Variants in PPARGC1A observed in about 807,000 individuals in gnomAD.
PPARGC1A encodes the protein peroxisome proliferator-activated receptor gamma coactivator 1-alpha.
PPARGC1A carries 25 observed loss-of-function variants against 88.7 expected under a neutral mutation model. The ratio of observed to expected loss-of-function variants is 0.28; its 90% CI spans 0.21 to 0.39. PPARGC1A has a LOEUF of 0.39. PPARGC1A is among the 10% of genes least tolerant of loss of function. The pLI is 1.00. For synonymous variants in PPARGC1A, 363 were observed against 355.6 expected (o/e 1.02, Z -0.24); for missense variants, 880 against 968.7 (o/e 0.91, Z 1.22).
chr4:24,120,436 T>A, the PPARGC1A span, among the ~76,000 whole-genome samples: 1 of 152,202 alleles, frequency 6.6e-6, no homozygotes, highest in African/African-American at 2.4e-5. Flanking sequence ...AGGTACTGAT[T>A]CCTGTCCTTT....
At chr4:23,845,005 G>A (rs530514305) in intron 2 of PPARGC1A, among the ~76,000 whole-genome samples, 1 of 150,768 alleles carries the variant, frequency 6.6e-6, no homozygotes, top group Admixed American at 6.7e-5. Context: ...GGCCCTGAGG[G>A]GGAACTTGCA....
At chr4:24,420,073 C>T in the PPARGC1A span, among the ~76,000 whole-genome samples, 1 of 152,192 alleles carries the variant, frequency 6.6e-6, no homozygotes, top group Non-Finnish European at 1.5e-5. Flanking sequence ...ATTTCTGATG[C>T]CATCAGACAC....
upstream of PPARGC1A, among the ~76,000 whole-genome samples, chr4:23,908,426 A>T (rs946171574): frequency 1.3e-5 from 2 of 152,126 alleles, no homozygotes; most frequent in Non-Finnish European, 2.9e-5. Flanking sequence ...TTGGTGACAT[A>T]GGAGAGAAGA....
chr4:24,413,115 T>A, the PPARGC1A span, among the ~76,000 whole-genome samples: 4 of 152,184 alleles, frequency 2.6e-5, no homozygotes, highest in Non-Finnish European at 5.9e-5. Flanking sequence ...TAGCATTGTA[T>A]AGGCAGTGAT....
chr4:24,216,140 CTCT>C, the PPARGC1A span, among the ~76,000 whole-genome samples: 6 of 114,654 alleles, frequency 5.2e-5, no homozygotes, highest in South Asian at 3.3e-4. Context: ...TTGCAGCTAA[CTCT>C]TTTTTTTTTT....
chr4:24,046,919 A>G, the PPARGC1A span, among the ~76,000 whole-genome samples: 1 of 152,196 alleles, frequency 6.6e-6, no homozygotes, highest in East Asian at 1.9e-4. Context: ...GAAGAACCTG[A>G]GTTCCTGGAT....
intron 2 of PPARGC1A, among the ~76,000 whole-genome samples, chr4:23,851,208 G>A (rs61285376): frequency 0.02 from 2,976 of 152,192 alleles, 99 homozygotes; most frequent in African/African-American, 0.067. Context: ...ATAGTGATTC[G>A]ATTTAATCTA....
In PPARGC1A at chr4:23,793,840, C is replaced by CACTT. The variant is rs1239080997; in HGVS notation, c.*1978_*1981dup. 1 of 152,310 alleles carries CACTT rather than the reference C, an allele frequency of 6.6e-6. No homozygotes were observed. Among genetic ancestry groups the CACTT allele is most frequent in the Admixed American group, 6.6e-5 (1 of 15,250 alleles). The allele number at this position is 152,310 out of a possible 1,614,324, so 9.4% of individuals were successfully genotyped here. A position where few individuals can be genotyped will look rare whatever the true frequency, so the allele number is the denominator to read the frequency against. On this transcript the variant is annotated 3_prime_UTR_variant, in exon 13 of 13. Transcript: ENST00000264867. ...CAAAAGCTGAATTTCCCAAATGAAG[C>CACTT]ACTTACACTCCAACCTGACAATTGT... is the stretch of plus-strand genomic sequence containing the variant.
the PPARGC1A span, among the ~76,000 whole-genome samples, chr4:24,294,161 C>T: frequency 6.6e-6 from 1 of 152,152 alleles, no homozygotes; most frequent in Non-Finnish European, 1.5e-5. Context: ...CACACTCAGG[C>T]TGAACTCAGG....
the PPARGC1A span, among the ~76,000 whole-genome samples, chr4:24,030,816 T>C: frequency 6.6e-6 from 1 of 152,110 alleles, no homozygotes; most frequent in Non-Finnish European, 1.5e-5. Flanking sequence ...AAAGACGTCT[T>C]AAAAACTGCA....
chr4:23,802,633 T>C (rs939611396), intron 10 of PPARGC1A, among the ~76,000 whole-genome samples: 15 of 134,518 alleles, frequency 1.1e-4, no homozygotes, highest in African/African-American at 3.7e-4. Flanking sequence ...GCTGAGATTG[T>C]GCCACTGCAC....
the PPARGC1A span, among the ~76,000 whole-genome samples, chr4:24,053,445 A>G: frequency 7.2e-5 from 11 of 152,210 alleles, no homozygotes; most frequent in South Asian, 2.1e-3. Flanking sequence ...ACCAGCTTTG[A>G]TGACCACCAG....
chr4:23,932,949 G>T, the PPARGC1A span, among the ~76,000 whole-genome samples: 1 of 152,190 alleles, frequency 6.6e-6, no homozygotes, highest in Admixed American at 6.5e-5. Context: ...GCTTCAAGGA[G>T]AAGAAAGAAC....
At chr4:23,831,819 A>C (rs1363299671) in intron 2 of PPARGC1A, 68 bp from the exon 3 acceptor site, 1 of 1,284,402 alleles carries the variant, frequency 7.8e-7, no homozygotes, top group Non-Finnish European at 1.1e-6. Context: ...ATGCATCAAC[A>C]TGTTTGACCA....
At chr4:23,797,950 AAAG>A (rs1717931620) in intron 12 of PPARGC1A, among the ~76,000 whole-genome samples, 1 of 152,004 alleles carries the variant, frequency 6.6e-6, no homozygotes, top group Non-Finnish European at 1.5e-5. Context: ...TTCCACAACG[AAAG>A]AAGTGAAAAT....
the PPARGC1A span, among the ~76,000 whole-genome samples, chr4:24,260,571 A>T: frequency 6.6e-6 from 1 of 152,180 alleles, no homozygotes; most frequent in Non-Finnish European, 1.5e-5. Flanking sequence ...CCAAGAGCTG[A>T]TATGAGGATA....
upstream of PPARGC1A, among the ~76,000 whole-genome samples, chr4:23,891,555 ACTG>A (rs1431786850): frequency 1.3e-5 from 2 of 152,212 alleles, no homozygotes; most frequent in African/African-American, 4.8e-5. Flanking sequence ...ATACCAGCAG[ACTG>A]CTGCTTCTTT....
the PPARGC1A span, among the ~76,000 whole-genome samples, chr4:24,315,892 C>T: frequency 6.6e-6 from 1 of 152,212 alleles, no homozygotes; most frequent in Non-Finnish European, 1.5e-5. Context: ...ATCTGGAGTG[C>T]ATGGGACAGA....
At chr4:24,241,571 T>G in the PPARGC1A span, among the ~76,000 whole-genome samples, 1 of 152,056 alleles carries the variant, frequency 6.6e-6, no homozygotes, top group Non-Finnish European at 1.5e-5. Flanking sequence ...AATGTGGGGG[T>G]TTTCCATTCT....
Sources: gnomAD v4.1 joint callset for allele counts (sites outside exome capture counted in the v4.1 genomes callset) on GRCh38, gnomAD v4.1.1 for gene constraint, MANE v1.5 for transcripts, NCBI Gene and HGNC (gene_info 2026-07-23, HGNC 2026-07-21) for gene names.